IFTAP: variants seen among roughly 807,000 people sequenced by gnomAD.
The protein encoded by IFTAP is intraflagellar transport associated protein.
In IFTAP, 19 loss-of-function variants were observed where a neutral mutation model predicts 19.4. The ratio of observed to expected loss-of-function variants is 0.98; its 90% CI spans 0.68 to 1.44. The LOEUF (loss-of-function observed/expected upper bound fraction) is 1.44. Among genes scored for constraint, IFTAP ranks in the 40% most tolerant of loss-of-function variants. The probability of loss-of-function intolerance (pLI) is 0.00; values close to 1 mark genes in which losing one functional copy is unlikely to be tolerated. For synonymous variants in IFTAP, 85 were observed against 83.5 expected, an observed-to-expected ratio of 1.02 and a Z score of -0.10; for missense variants, 240 against 253.6, an observed-to-expected ratio of 0.95 and a Z score of 0.36.
intron 1 of IFTAP, among the ~76,000 whole-genome samples, chr11:36,599,922 C>T (rs1301004826): frequency 1.3e-5 from 2 of 152,088 alleles, no homozygotes; most frequent in Non-Finnish European, 2.9e-5. Context: ...ATAAGAAATG[C>T]AAAAATAGAA....
chr11:36,614,310 G>A (rs1031145765), intron 2 of IFTAP, among the ~76,000 whole-genome samples: 23 of 146,932 alleles, frequency 1.6e-4, no homozygotes, highest in African/African-American at 6.0e-4. Context: ...TCTTAATCCA[G>A]TCTATCATTG....
intron 2 of IFTAP, among the ~76,000 whole-genome samples, chr11:36,612,613 A>G (rs1444827502): frequency 1.3e-5 from 2 of 151,972 alleles, no homozygotes; most frequent in African/African-American, 4.8e-5. Flanking sequence ...TGTTTTGTTG[A>G]TACACACTGA....
rs1333885752 is a variant in IFTAP, at chr11:36,645,016, TAAAG to T, written c.359-2997_359-2994del. 1.8e-3 allele frequency among the ~76,000 whole-genome samples: 266 copies of T among 147,212 alleles called. 1 individual carries two copies. The highest frequency in any genetic ancestry group is 6.5e-3 in the African/African-American group (256 of 39,108). Reference sequence around the variant, plus strand: ...AGTATAATAATAATAATAATAATAATAAAGAAGTGATCTGGACGGCTAAAGTGTT... The same window carrying T: ...AGTATAATAATAATAATAATAATAATAAGTGATCTGGACGGCTAAAGTGTT... On this transcript the variant is annotated intron_variant, in intron 4 of 5. Coordinates refer to ENST00000334307, the MANE Select transcript of IFTAP (RefSeq NM_138787.4).
chr11:36,651,520 G>T (rs892824176), intron 5 of IFTAP, among the ~76,000 whole-genome samples: 1 of 152,094 alleles, frequency 6.6e-6, no homozygotes, highest in Non-Finnish European at 1.5e-5. Context: ...CACTCTGAGG[G>T]TAGTTTCTTT....
chr11:36,641,131 A>G (rs1853178217), intron 4 of IFTAP, among the ~76,000 whole-genome samples: 1 of 152,182 alleles, frequency 6.6e-6, no homozygotes, highest in African/African-American at 2.4e-5. Context: ...CAACTAAAAC[A>G]GTGTATTTCA....
intron 1 of IFTAP, among the ~76,000 whole-genome samples, chr11:36,596,222 GTTTT>G (rs67282079): frequency 3.4e-5 from 4 of 118,368 alleles, no homozygotes; most frequent in African/African-American, 1.2e-4. Context: ...TTTTTTTTTT[GTTTT>G]TTTTTTTTTT....
intron 1 of IFTAP, among the ~76,000 whole-genome samples, chr11:36,604,807 C>T (rs1012990608): frequency 6.6e-6 from 1 of 151,956 alleles, no homozygotes; most frequent in African/African-American, 2.4e-5. Context: ...GTTTCTTTCC[C>T]ATACTCATTT....
intron 4 of IFTAP, among the ~76,000 whole-genome samples, chr11:36,639,216 A>ACC (rs1287653039): frequency 2.7e-5 from 4 of 150,710 alleles, no homozygotes; most frequent in African/African-American, 9.8e-5. Flanking sequence ...GGCCCAGCCC[A>ACC]ACCTCTTTTC....
intron 3 of IFTAP, 86 bp downstream of exon 3, chr11:36,633,524 C>T: frequency 9.3e-7 from 1 of 1,079,324 alleles, no homozygotes; most frequent in East Asian, 2.8e-5. Context: ...CTACTAAACA[C>T]TAGACAGTTA....
chr11:36,644,253 C>T (rs191820745), intron 4 of IFTAP, among the ~76,000 whole-genome samples: 5 of 152,134 alleles, frequency 3.3e-5, no homozygotes, highest in South Asian at 2.1e-4. Flanking sequence ...AAAAAATGCT[C>T]ATCATCACTG....
intron 2 of IFTAP, among the ~76,000 whole-genome samples, chr11:36,618,180 A>T (rs1240313568): frequency 6.6e-6 from 1 of 151,972 alleles, no homozygotes; most frequent in Non-Finnish European, 1.5e-5. Flanking sequence ...CCCAACGTGG[A>T]CTGTATTTGG....
chr11:36,610,779 T>C (rs1337313586), intron 2 of IFTAP, among the ~76,000 whole-genome samples: 1 of 152,080 alleles, frequency 6.6e-6, no homozygotes, highest in African/African-American at 2.4e-5. Context: ...ACATAATAAG[T>C]ACTTACTGAA....
chr11:36,640,408 C>T (rs1388217096), intron 4 of IFTAP, among the ~76,000 whole-genome samples: 3 of 152,096 alleles, frequency 2.0e-5, no homozygotes, highest in Non-Finnish European at 4.4e-5. Context: ...CTTAAGTATA[C>T]CTCTTTTTAA....
intron 2 of IFTAP, among the ~76,000 whole-genome samples, chr11:36,618,174 A>G (rs560379701): frequency 2.6e-5 from 4 of 152,102 alleles, no homozygotes; most frequent in East Asian, 1.9e-4. Context: ...CTAACCCCCA[A>G]CGTGGACTGT....
chr11:36,636,963 C>T (rs1297832808), intron 4 of IFTAP, among the ~76,000 whole-genome samples: 1 of 143,128 alleles, frequency 7.0e-6, no homozygotes, highest in Non-Finnish European at 1.5e-5. Flanking sequence ...CCTGATTTAA[C>T]ATGCAAGAAT....
intron 2 of IFTAP, among the ~76,000 whole-genome samples, chr11:36,627,526 A>G (rs982574700): frequency 6.6e-6 from 1 of 151,242 alleles, no homozygotes; most frequent in Non-Finnish European, 1.5e-5. Flanking sequence ...TTGTGCATAG[A>G]CTTGTAAGTT....
At chr11:36,624,701 T>A (rs1852440582) in intron 2 of IFTAP, among the ~76,000 whole-genome samples, 1 of 152,204 alleles carries the variant, frequency 6.6e-6, no homozygotes, top group Non-Finnish European at 1.5e-5. Context: ...GGTGTGTGCT[T>A]TCTTTTTCCT....
intron 2 of IFTAP, among the ~76,000 whole-genome samples, chr11:36,613,825 A>G (rs1444235829): frequency 1.3e-5 from 2 of 151,912 alleles, no homozygotes; most frequent in Non-Finnish European, 2.9e-5. Context: ...ATATATCTCT[A>G]TCTCCTTTAA....
intron 1 of IFTAP, among the ~76,000 whole-genome samples, chr11:36,602,853 G>T (rs564523268): frequency 1.3e-4 from 19 of 151,958 alleles, no homozygotes; most frequent in African/African-American, 4.3e-4. Flanking sequence ...AAGCAAAAAT[G>T]GTAGTGAAAA....
Sources: gnomAD v4.1 joint callset for allele counts (sites outside exome capture counted in the v4.1 genomes callset) on GRCh38, gnomAD v4.1.1 for gene constraint, MANE v1.5 for transcripts, NCBI Gene and HGNC (gene_info 2026-07-23, HGNC 2026-07-21) for gene names.